Variants in MS4A14 observed in about 807,000 individuals in gnomAD.
MS4A14 encodes the protein membrane spanning 4-domains A14, also known as membrane-spanning 4-domains subfamily A member 14.
A neutral mutation model predicts 16.7 loss-of-function variants in MS4A14; 18 were observed. The observed-to-expected ratio is 1.08, with a 90% CI of 0.75 to 1.60. MS4A14 has a LOEUF of 1.60. Among genes scored for constraint, MS4A14 ranks in the 40% most tolerant of loss-of-function variants. The pLI, the probability that MS4A14 is intolerant of heterozygous loss-of-function variation, is 0.00. For synonymous variants in MS4A14, 305 were observed against 289.4 expected (o/e 1.05, Z -0.55); for missense variants, 812 against 775.3 (o/e 1.05, Z -0.56).
rs777054951 is a variant in MS4A14 at position 60,400,435 on chromosome 11, A to C, written c.299A>C (p.Asp100Ala). 1 of 1,607,968 alleles carries C rather than the reference A, an allele frequency of 6.2e-7. No homozygotes were observed. Among genetic ancestry groups the C allele is most frequent in the Non-Finnish European group, 8.5e-7 (1 of 1,175,468 alleles). ...CTTACAGGATACCTCACAGTAACCGATAAGAAATCAAAACTTCTGGTAAGC... is the reference window on the plus strand; with the variant it reads ...CTTACAGGATACCTCACAGTAACCGCTAAGAAATCAAAACTTCTGGTAAGC... ...FILTGYLTVTDKKSKLLGQGV... is the reference protein window; with the variant it reads ...FILTGYLTVTAKKSKLLGQGV... Residue 100 changes from aspartate (D) to alanine (A), a missense_variant, in exon 3 of 5, where the codon GAT becomes GCT. Coordinates refer to ENST00000300187, the MANE Select transcript of MS4A14 (RefSeq NM_032597.5).
chr11:60,412,011 G>C (rs2085876168), intron 4 of MS4A14, among the ~76,000 whole-genome samples: 1 of 152,012 alleles, frequency 6.6e-6, no homozygotes, highest in Admixed American at 6.5e-5. Context: ...CTCCAAGTGA[G>C]ATGACTGTGT....
rs1272796154 is a variant in MS4A14, at chr11:60,415,550, A to G, written c.582A>G (p.Thr194=). ...AAGAGTTTTCCAGTGATGATTCAAC[A>G]ACAAATGCACAATCTGTTATCTTTG... is the stretch of plus-strand genomic sequence containing the variant. ...LQEEFSSDDS[T]TNAQSVIFGG... Residue 194 remains threonine, a synonymous_variant, in exon 5 of 5, where the codon ACA becomes ACG. Transcript: ENST00000300187. 3 of 1,613,820 alleles carry G rather than the reference A, an allele frequency of 1.9e-6. No individual in the cohort carries two copies. In the East Asian group the frequency reaches 6.7e-5, roughly 36 times the overall value.
At chr11:60,412,413 T>C (rs1279599155) in intron 4 of MS4A14, among the ~76,000 whole-genome samples, 1 of 151,960 alleles carries the variant, frequency 6.6e-6, no homozygotes, top group South Asian at 2.1e-4. Context: ...TTACTTGTTA[T>C]GGATCTGTAA....
At chr11:60,414,596 G>A (rs1298678580) in intron 4 of MS4A14, among the ~76,000 whole-genome samples, 1 of 152,122 alleles carries the variant, frequency 6.6e-6, no homozygotes. Context: ...CTAATGGGAA[G>A]CATTGCAGGT....
At chr11:60,401,920 G>A (rs565188854) in intron 3 of MS4A14, among the ~76,000 whole-genome samples, 5 of 152,296 alleles carry the variant, frequency 3.3e-5, no homozygotes, top group African/African-American at 1.2e-4. Flanking sequence ...GTACACTTCT[G>A]AGGTTTGCCA....
Position 60,415,630 on chromosome 11 carries a change from C to A in MS4A14, c.662C>A (p.Pro221Gln). 1 of 1,613,790 alleles carries A rather than the reference C, an allele frequency of 6.2e-7. No individual in the cohort carries two copies. Among genetic ancestry groups the A allele is most frequent in the Non-Finnish European group, 8.5e-7 (1 of 1,179,820 alleles). Residue 221 changes from proline to glutamine, a missense_variant, in exon 5 of 5, where the codon CCA becomes CAA. Coordinates refer to ENST00000300187, the MANE Select transcript of MS4A14 (RefSeq NM_032597.5). ...TCTAGGAGTCCTTTAGTCTCCCAAC[C>A]AGGTAATAAAGGTAGAGAATTTGTG... ...TLSRSPLVSQ[P>Q]GNKGREFVPD...
At position 60,415,824 on chromosome 11, in the gene MS4A14, C is replaced by T. The variant is rs114064661; in HGVS notation, c.856C>T (p.Pro286Ser). 480 of 1,613,908 alleles carry T rather than the reference C, an allele frequency of 3.0e-4. 2 individuals are homozygous for T. The African/African-American group carries it at 5.7e-3, about 19-fold the overall frequency. ...DEDLQSAIVQ[P>S]SQMQTKLLQD... ...AGATCTACAATCTGCTATTGTACAA[C>T]CTTCTCAAATGCAAACCAAGCTTCT... Residue 286 changes from proline (P) to serine (S), a missense_variant, in exon 5 of 5, where the codon CCT (proline) becomes TCT (serine). Transcript: ENST00000300187.
intron 4 of MS4A14, among the ~76,000 whole-genome samples, chr11:60,407,339 T>TA (rs1345369867): frequency 6.6e-6 from 1 of 152,158 alleles, no homozygotes; most frequent in African/African-American, 2.4e-5. Flanking sequence ...TTTTGATGGG[T>TA]ATTTAGATTG....
intron 4 of MS4A14, 119 bp downstream of exon 4, chr11:60,403,180 G>A (rs558805243): frequency 4.7e-5 from 50 of 1,073,768 alleles, no homozygotes; most frequent in Admixed American, 1.6e-4. Flanking sequence ...TTGAACTGAC[G>A]GTTGAGAAGG....
chr11:60,410,118 C>T (rs1309020004), intron 4 of MS4A14, among the ~76,000 whole-genome samples: 1 of 152,134 alleles, frequency 6.6e-6, no homozygotes, highest in East Asian at 1.9e-4. Flanking sequence ...CTTGGCCTTC[C>T]AAACTGCTGG....
chr11:60,405,884 T>A (rs1207653535), intron 4 of MS4A14: 2 of 1,525,170 alleles, frequency 1.3e-6, no homozygotes, highest in Admixed American at 3.9e-5. Flanking sequence ...CCTCATTATT[T>A]GCAGGGAATT....
At position 60,416,669 on chromosome 11, in the gene MS4A14, A is replaced by C. The variant is rs1464305296; in HGVS notation, c.1701A>C (p.Glu567Asp). ...AGCAACTCCCAGATCAGCAAGCTGA[A>C]GATCAGCAAGCCAAAGGGGAACAAT... ...TKEQLPDQQA[E>D]DQQAKGEQYP... Residue 567 changes from glutamate to aspartate, a missense_variant, in exon 5 of 5, where the codon GAA becomes GAC. By Grantham distance (45) the Glu-to-Asp change is conservative. Transcript: ENST00000300187. The C allele has an allele frequency of 6.2e-7, 1 of 1,613,810 alleles. No individual in the cohort carries two copies. Among genetic ancestry groups the C allele is most frequent in the Non-Finnish European group, 8.5e-7 (1 of 1,179,958 alleles).
At position 60,417,171 on chromosome 11, in the gene MS4A14, A is replaced by G. The variant is rs534508421; in HGVS notation, c.*163A>G. On this transcript the variant is annotated 3_prime_UTR_variant, in exon 5 of 5. Coordinates refer to ENST00000300187, the MANE Select transcript of MS4A14 (RefSeq NM_032597.5). ...ACAGCCCAACATAACCTAGAATGTCAAGACACTCAAGATAAAGACCAACAA... is the reference window on the plus strand; with the variant it reads ...ACAGCCCAACATAACCTAGAATGTCGAGACACTCAAGATAAAGACCAACAA... 2.5e-6 allele frequency: 2 copies of G among 786,008 alleles called. No individual in the cohort carries two copies. Among genetic ancestry groups the G allele is most frequent in the East Asian group, 5.6e-5 (2 of 35,632 alleles). 48.7% of individuals were successfully genotyped at this position (786,008 alleles called of 1,614,324 possible).
intron 2 of MS4A14, among the ~76,000 whole-genome samples, chr11:60,399,967 C>T (rs750067365): frequency 6.6e-6 from 1 of 152,130 alleles, no homozygotes; most frequent in Non-Finnish European, 1.5e-5. Flanking sequence ...GCTCTACGAT[C>T]ATGGGAAATG....
intron 4 of MS4A14, among the ~76,000 whole-genome samples, chr11:60,412,912 C>T (rs2085888354): frequency 6.6e-6 from 1 of 151,914 alleles, no homozygotes; most frequent in Non-Finnish European, 1.5e-5. Flanking sequence ...TGGAATTGTA[C>T]TGAGCCTATA....
At chr11:60,400,785 C>A (rs2085702020) in intron 3 of MS4A14, among the ~76,000 whole-genome samples, 2 of 152,186 alleles carry the variant, frequency 1.3e-5, no homozygotes, top group African/African-American at 2.4e-5. Flanking sequence ...CATTTTTGGT[C>A]ATTACAACTG....
intron 2 of MS4A14, among the ~76,000 whole-genome samples, chr11:60,399,777 G>T (rs2085683228): frequency 6.6e-6 from 1 of 152,048 alleles, no homozygotes; most frequent in Non-Finnish European, 1.5e-5. Context: ...GCGGAGGGAG[G>T]TATCAAAGGT....
At position 60,415,502 on chromosome 11, in the gene MS4A14, T is replaced by C. The variant is rs927565646; in HGVS notation, c.534T>C (p.Asp178=). The change falls in exon 5 of 5, where the codon GAT becomes GAC. Residue 178 remains aspartate (D), a synonymous_variant. Transcript: ENST00000300187. The part of the protein sequence containing the change: ...NSEQPAPEEN[D]QLQFVLQEEF... ...AACAACCTGCCCCAGAAGAAAATGA[T>C]CAATTACAATTTGTGCTTCAAGAAG... 1 of 1,613,530 alleles carries C rather than the reference T, an allele frequency of 6.2e-7. No homozygotes were observed.
intron 4 of MS4A14, among the ~76,000 whole-genome samples, chr11:60,408,504 C>A (rs1466062790): frequency 6.6e-6 from 1 of 152,110 alleles, no homozygotes; most frequent in Non-Finnish European, 1.5e-5. Context: ...ATCCTACTTT[C>A]TATATTATGA....
Sources: gnomAD v4.1 joint callset for allele counts (sites outside exome capture counted in the v4.1 genomes callset) on GRCh38, gnomAD v4.1.1 for gene constraint, MANE v1.5 for transcripts, NCBI Gene and HGNC (gene_info 2026-07-23, HGNC 2026-07-21) for gene names.